The following CEP43 variants were observed in gnomAD, a reference collection of about 807,000 sequenced individuals.
The protein encoded by CEP43 is FGFR1 oncogene partner.
CEP43 carries 36 observed loss-of-function variants against 52.6 expected under a neutral mutation model. The ratio of observed to expected loss-of-function variants is 0.68; its 90% CI spans 0.52 to 0.90. The LOEUF (loss-of-function observed/expected upper bound fraction) is 0.90. Among genes scored for constraint, CEP43 ranks in the 40% least tolerant of loss-of-function variants. The pLI is 0.00. For synonymous variants in CEP43, 192 were observed against 172.4 expected, an observed-to-expected ratio of 1.11 and a Z score of -0.89; for missense variants, 506 against 472.8, an observed-to-expected ratio of 1.07 and a Z score of -0.65.
In CEP43 at chr6:167,036,079, G is replaced by C. The variant is rs565700450; in HGVS notation, c.1125+2108G>C. The C allele has an allele frequency of 1.1e-3, 1,112 of 985,200 alleles. 2 individuals are homozygous for C. Among genetic ancestry groups the C allele is most frequent in the Non-Finnish European group, 1.3e-3 (1,039 of 829,744 alleles). The allele number at this position is 985,200 out of a possible 1,614,324, so 61.0% of individuals were successfully genotyped here. ...AGACTTCTTCCCTCAAATTTATGCA[G>C]GATCAGAGAGAGAAAAGCCATGTAC... On this transcript the variant is annotated intron_variant, in intron 12 of 12. Coordinates refer to ENST00000366847, the MANE Select transcript of CEP43 (RefSeq NM_007045.4).
chr6:167,008,144 G>T (rs1171175555), intron 5 of CEP43, among the ~76,000 whole-genome samples: 1 of 150,916 alleles, frequency 6.6e-6, no homozygotes, highest in East Asian at 1.9e-4. Flanking sequence ...TTTTAATGTG[G>T]AACCTTGTAC....
chr6:167,045,369 C>T lies in CEP43; in HGVS notation c.*5391C>T, dbSNP rs979336615. 11 of 148,746 alleles carry T rather than the reference C, an allele frequency of 7.4e-5. No homozygotes were observed. The highest frequency in any genetic ancestry group is 1.3e-4 in the Admixed American group (2 of 15,046). 9.2% of individuals were successfully genotyped at this position (148,746 alleles called of 1,614,324 possible). On this transcript the variant is annotated 3_prime_UTR_variant, in exon 13 of 13. Coordinates refer to ENST00000366847, the MANE Select transcript of CEP43 (RefSeq NM_007045.4). ...TCCGCACCCCTCCCCGCCCCCCCCG[C>T]GGCCCAGCCTCCCAAAGTGCTGGGA...
At chr6:167,025,935 A>G (rs776107329) in intron 9 of CEP43, among the ~76,000 whole-genome samples, 5 of 152,200 alleles carry the variant, frequency 3.3e-5, no homozygotes, top group Non-Finnish European at 5.9e-5. Flanking sequence ...CAAAGGAAAA[A>G]TAAGACTCAT....
intron 2 of CEP43, among the ~76,000 whole-genome samples, chr6:167,001,838 G>A (rs1005893585): frequency 6.6e-6 from 1 of 151,868 alleles, no homozygotes. Flanking sequence ...CTCCGTTTCC[G>A]TGGTGTCCCT....
intron 12 of CEP43, among the ~76,000 whole-genome samples, chr6:167,037,858 C>T (rs1350407601): frequency 6.6e-6 from 1 of 152,200 alleles, no homozygotes; most frequent in African/African-American, 2.4e-5. Context: ...GCCATAACTA[C>T]TCCACCTTGC....
intron 7 of CEP43, among the ~76,000 whole-genome samples, chr6:167,019,438 T>G (rs1780177207): frequency 6.6e-6 from 1 of 152,196 alleles, no homozygotes; most frequent in Non-Finnish European, 1.5e-5. Flanking sequence ...CTGTAGATTT[T>G]TTTAATAGTG....
intron 7 of CEP43, among the ~76,000 whole-genome samples, chr6:167,021,821 G>T (rs1211658161): frequency 6.6e-6 from 1 of 152,140 alleles, no homozygotes; most frequent in Non-Finnish European, 1.5e-5. Flanking sequence ...ATTAGCAAAG[G>T]TTTATGTTAG....
At position 167,048,848 on chromosome 6, in the gene CEP43, A is replaced by AAT. The variant is rs753865214; in HGVS notation, c.*8872_*8873dup. 2 of 152,234 alleles carry AAT rather than the reference A, an allele frequency of 1.3e-5. No homozygotes were observed. The highest frequency in any genetic ancestry group is 2.9e-5 in the Non-Finnish European group (2 of 68,042). 9.4% of individuals were successfully genotyped at this position (152,234 alleles called of 1,614,324 possible). On this transcript the variant is annotated 3_prime_UTR_variant, in exon 13 of 13. Transcript: ENST00000366847. Reference sequence around the variant, plus strand: ...ATGTTCTTAGTCACTGAAAGTGTGAAATAGCCTCTAAACTCATATGTGGAA... The same window carrying AAT: ...ATGTTCTTAGTCACTGAAAGTGTGAAATATAGCCTCTAAACTCATATGTGGAA...
intron 8 of CEP43, among the ~76,000 whole-genome samples, chr6:167,023,783 G>A (rs1218737672): frequency 1.1e-4 from 16 of 152,150 alleles, no homozygotes; most frequent in African/African-American, 2.4e-4. Flanking sequence ...GTATGATGCC[G>A]TTGGATTTAG....
intron 10 of CEP43, among the ~76,000 whole-genome samples, chr6:167,031,250 C>T (rs906855024): frequency 6.6e-6 from 1 of 152,100 alleles, no homozygotes; most frequent in African/African-American, 2.4e-5. Context: ...CCACCGCACC[C>T]TCCCCCACCT....
At chr6:167,028,436 A>G (rs966665856) in intron 10 of CEP43, 1 of 984,914 alleles carries the variant, frequency 1.0e-6, no homozygotes, top group Non-Finnish European at 1.2e-6. Context: ...CCAGTTCACT[A>G]GCTGGATGTT....
intron 9 of CEP43, 66 bp from the exon 10 acceptor site, chr6:167,026,481 T>C (rs2128665437): frequency 9.9e-7 from 1 of 1,009,678 alleles, no homozygotes; most frequent in Non-Finnish European, 1.6e-6. Context: ...ACGACAAAAA[T>C]TGATGTGGTT....
intron 12 of CEP43, among the ~76,000 whole-genome samples, chr6:167,034,383 G>A: frequency 6.6e-6 from 1 of 152,232 alleles, no homozygotes; most frequent in East Asian, 1.9e-4. Flanking sequence ...CATCTGAACA[G>A]GCAAGCCAGA....
Position 167,044,232 on chromosome 6 carries a change from G to T in CEP43, c.*4254G>T. ...AAGACAAACCTGATTATGCCACTCC[G>T]AGATTTGAGGTAACATTTGAATCTA... On this transcript the variant is annotated 3_prime_UTR_variant, in exon 13 of 13. Coordinates refer to ENST00000366847, the MANE Select transcript of CEP43 (RefSeq NM_007045.4). 1 of 185,864 alleles carries T rather than the reference G, an allele frequency of 5.4e-6. No homozygotes were observed. Among genetic ancestry groups the T allele is most frequent in the Non-Finnish European group, 1.0e-5 (1 of 98,786 alleles). 11.5% of individuals were successfully genotyped at this position (185,864 alleles called of 1,614,324 possible). A position where few individuals can be genotyped will look rare whatever the true frequency, so the allele number is the denominator to read the frequency against.
rs1780768676 is a variant in CEP43 at position 167,044,944 on chromosome 6, C to T, written c.*4966C>T. On this transcript the variant is annotated 3_prime_UTR_variant, in exon 13 of 13. Transcript: ENST00000366847. ...CTGAGCTTAGTGGGCCGGGTGGAGG[C>T]AGGAGGTACTGCATGGAGGAGCGTG... 1 of 152,512 alleles carries T rather than the reference C, an allele frequency of 6.6e-6. No homozygotes were observed. The highest frequency in any genetic ancestry group is 2.4e-5 in the African/African-American group (1 of 41,448). 9.4% of individuals were successfully genotyped at this position (152,512 alleles called of 1,614,324 possible).
chr6:167,037,617 G>A (rs1780609074), intron 12 of CEP43, among the ~76,000 whole-genome samples: 1 of 152,238 alleles, frequency 6.6e-6, no homozygotes, highest in Non-Finnish European at 1.5e-5. Context: ...GGACTTATTT[G>A]TTGAAAAGGA....
At chr6:167,017,299 A>G (rs1206795061) in intron 7 of CEP43, among the ~76,000 whole-genome samples, 2 of 152,160 alleles carry the variant, frequency 1.3e-5, no homozygotes, top group Non-Finnish European at 2.9e-5. Flanking sequence ...CTGGCCAATA[A>G]TGATACAAAT....
intron 4 of CEP43, 171 bp downstream of exon 4, chr6:167,003,982 C>A: frequency 1.7e-6 from 1 of 599,364 alleles, no homozygotes; most frequent in Non-Finnish European, 2.9e-6. Flanking sequence ...AGATAGCTGG[C>A]ACCAGTGTTG....
rs1244663001 is a variant in CEP43, at chr6:167,047,984, A to G, written c.*8006A>G. The G allele has an allele frequency of 4.6e-5, 7 of 152,248 alleles. No individual in the cohort carries two copies. The highest frequency in any genetic ancestry group is 1.0e-4 in the Non-Finnish European group (7 of 68,046). The allele number at this position is 152,248 out of a possible 1,614,324, so 9.4% of individuals were successfully genotyped here. A position where few individuals can be genotyped will look rare whatever the true frequency, so the allele number is the denominator to read the frequency against. On this transcript the variant is annotated 3_prime_UTR_variant, in exon 13 of 13. Transcript: ENST00000366847. Reference sequence around the variant, plus strand: ...TAGTATACCACAGACTGTGGTGCCTAGGAATAACAGACAAGCTTTAACTCA... The same window carrying G: ...TAGTATACCACAGACTGTGGTGCCTGGGAATAACAGACAAGCTTTAACTCA...
Sources: allele counts gnomAD v4.1 joint callset (sites outside exome capture counted in the v4.1 genomes callset), GRCh38; gene constraint gnomAD v4.1.1; transcripts MANE v1.5; gene names NCBI Gene and HGNC (gene_info 2026-07-23, HGNC 2026-07-21).